Variants in NSG2 observed in about 807,000 individuals in gnomAD.
NSG2 encodes the protein neuronal vesicle trafficking associated 2.
NSG2 carries 4 observed loss-of-function variants against 16.9 expected under a neutral mutation model. The ratio of observed to expected loss-of-function variants is 0.24; its 90% CI spans 0.12 to 0.54. The LOEUF (loss-of-function observed/expected upper bound fraction) is 0.54. NSG2 is among the 20% of genes least tolerant of loss of function. The probability of loss-of-function intolerance (pLI) is 0.95; values close to 1 mark genes in which losing one functional copy is unlikely to be tolerated. For synonymous variants in NSG2, 98 were observed against 88.7 expected (o/e 1.11, Z -0.59); for missense variants, 179 against 221.1 (o/e 0.81, Z 1.21).
chr5:174,079,067 T>C (rs1581230117), intron 3 of NSG2, among the ~76,000 whole-genome samples: 2 of 152,062 alleles, frequency 1.3e-5, no homozygotes, highest in East Asian at 3.9e-4. Flanking sequence ...TTTTAATTAA[T>C]AAATTTTGCC....
intron 3 of NSG2, among the ~76,000 whole-genome samples, chr5:174,088,318 C>T (rs1038828580): frequency 1.3e-5 from 2 of 152,114 alleles, no homozygotes; most frequent in African/African-American, 4.8e-5. Flanking sequence ...GCGGAGAGTC[C>T]GTCTGTCCCC....
chr5:174,061,773 T>A (rs897050244), intron 2 of NSG2, among the ~76,000 whole-genome samples: 2 of 152,044 alleles, frequency 1.3e-5, no homozygotes, highest in African/African-American at 4.8e-5. Flanking sequence ...CCAGCTAATT[T>A]TTTTAATTTT....
At chr5:174,048,291 A>G (rs1201399203) in intron 2 of NSG2, among the ~76,000 whole-genome samples, 1 of 152,232 alleles carries the variant, frequency 6.6e-6, no homozygotes, top group African/African-American at 2.4e-5. Flanking sequence ...TTTCTAGACC[A>G]TGACCCAGAA....
At chr5:174,046,670 TGTC>T in intron 1 of NSG2, 61 bp from the exon 2 acceptor site, 1 of 1,508,906 alleles carries the variant, frequency 6.6e-7, no homozygotes, top group Non-Finnish European at 9.1e-7. Context: ...CTATTTTCTC[TGTC>T]GTCAGCCCTC....
intron 2 of NSG2, among the ~76,000 whole-genome samples, chr5:174,063,479 G>T (rs1200517854): frequency 6.6e-6 from 1 of 152,046 alleles, no homozygotes; most frequent in East Asian, 1.9e-4. Context: ...GGAATTAAGT[G>T]TGTGTGCAAA....
At chr5:174,082,854 T>C (rs1256156547) in intron 3 of NSG2, among the ~76,000 whole-genome samples, 1 of 152,126 alleles carries the variant, frequency 6.6e-6, no homozygotes, top group East Asian at 1.9e-4. Context: ...CAAAATCCAC[T>C]CCTTCCAGTC....
intron 4 of NSG2, among the ~76,000 whole-genome samples, chr5:174,104,554 G>C (rs946508044): frequency 1.3e-5 from 2 of 152,216 alleles, no homozygotes; most frequent in Non-Finnish European, 2.9e-5. Context: ...TGCTCTCCAG[G>C]GTCAGGAGGT....
chr5:174,072,236 C>T lies in NSG2; in HGVS notation c.213+7921C>T, dbSNP rs1367801683. Among the ~76,000 whole-genome samples, 1 of 152,220 alleles carries T rather than the reference C, an allele frequency of 6.6e-6. No homozygotes were observed. Among genetic ancestry groups the T allele is most frequent in the Non-Finnish European group, 1.5e-5 (1 of 68,022 alleles). On this transcript the variant is annotated intron_variant, in intron 3 of 4. Transcript: ENST00000303177. This position sits in a 1 kb window ranked among gnomAD's most constrained non-coding sequence, Gnocchi z 4.0. ...TCAGCAGCCCCAGTCCTTTCTCCTC[C>T]CCTTCTAGAGCACATGCCCCACAGT... is the stretch of plus-strand genomic sequence containing the variant.
chr5:174,107,242 G>A lies in NSG2; in HGVS notation c.325-72G>A. 1 of 1,368,834 alleles carries A rather than the reference G, an allele frequency of 7.3e-7. No individual in the cohort carries two copies. The highest frequency in any genetic ancestry group is 1.5e-5 in the African/African-American group (1 of 68,906). 84.8% of individuals were successfully genotyped at this position (1,368,834 alleles called of 1,614,324 possible). A position where few individuals can be genotyped will look rare whatever the true frequency, so the allele number is the denominator to read the frequency against. On this transcript the variant is annotated intron_variant, in intron 4 of 4. Transcript: ENST00000303177. This position sits in a 1 kb window ranked among gnomAD's most constrained non-coding sequence, Gnocchi z 4.5. Reference sequence around the variant, plus strand: ...CCCGATGCAGCTGCACTCCAGTCAGGGTGGCTGTGTTGCTGGGCAGGTTGG... The same window carrying A: ...CCCGATGCAGCTGCACTCCAGTCAGAGTGGCTGTGTTGCTGGGCAGGTTGG...
intron 2 of NSG2, among the ~76,000 whole-genome samples, chr5:174,062,224 C>T (rs1249997242): frequency 6.6e-6 from 1 of 152,150 alleles, no homozygotes; most frequent in Admixed American, 6.5e-5. Context: ...GCATCATCAA[C>T]TCACCCAAGG....
intron 3 of NSG2, among the ~76,000 whole-genome samples, chr5:174,094,059 A>G (rs1307449790): frequency 3.3e-5 from 5 of 152,248 alleles, no homozygotes; most frequent in Non-Finnish European, 7.3e-5. Flanking sequence ...AAGCAAATGT[A>G]GCTGCAGGAC....
chr5:174,084,980 C>A (rs1342675609), intron 3 of NSG2, among the ~76,000 whole-genome samples: 1 of 152,006 alleles, frequency 6.6e-6, no homozygotes, highest in Non-Finnish European at 1.5e-5. Context: ...TTTTTGGAGC[C>A]AGGAAGAGTG....
At chr5:174,094,948 G>A (rs750474554) in intron 3 of NSG2, among the ~76,000 whole-genome samples, 3 of 152,184 alleles carry the variant, frequency 2.0e-5, no homozygotes, top group Admixed American at 6.5e-5. Flanking sequence ...CATGACACAC[G>A]CAATGAACAA....
intron 3 of NSG2, among the ~76,000 whole-genome samples, chr5:174,074,896 T>C (rs572658319): frequency 2.0e-5 from 3 of 152,070 alleles, no homozygotes; most frequent in Non-Finnish European, 4.4e-5. Flanking sequence ...AGTCCTAGGT[T>C]CCTAGCATTA....
At chr5:174,099,968 T>C (rs1760873580) in intron 3 of NSG2, among the ~76,000 whole-genome samples, 1 of 152,204 alleles carries the variant, frequency 6.6e-6, no homozygotes, top group Non-Finnish European at 1.5e-5. Flanking sequence ...AGCCTGTGCC[T>C]GATTCACCAC....
intron 2 of NSG2, among the ~76,000 whole-genome samples, chr5:174,047,723 T>A (rs553996700): frequency 3.3e-5 from 5 of 152,208 alleles, no homozygotes; most frequent in Middle Eastern, 3.4e-3. Context: ...CCATGAAGAA[T>A]GGAGGTGGGC....
At chr5:174,054,610 C>T (rs553848679) in intron 2 of NSG2, among the ~76,000 whole-genome samples, 2 of 152,292 alleles carry the variant, frequency 1.3e-5, no homozygotes, top group African/African-American at 2.4e-5. Flanking sequence ...AACTTCTGGC[C>T]TCAACTGATC....
intron 3 of NSG2, among the ~76,000 whole-genome samples, chr5:174,078,827 T>C (rs1760392953): frequency 1.3e-5 from 2 of 152,198 alleles, no homozygotes; most frequent in Admixed American, 1.3e-4. Flanking sequence ...CCAAATCTCC[T>C]GGTGCCTTCA....
chr5:174,105,356 C>T (rs888338339), intron 4 of NSG2, among the ~76,000 whole-genome samples: 18 of 152,218 alleles, frequency 1.2e-4, no homozygotes, highest in African/African-American at 4.1e-4. Flanking sequence ...CTGGTTGCCT[C>T]TCTGGGCCAC....
Sources: gnomAD v4.1 joint callset for allele counts (sites outside exome capture counted in the v4.1 genomes callset) on GRCh38, gnomAD v4.1.1 for gene constraint, Gnocchi (gnomAD v3.1) non-coding constraint, MANE v1.5 for transcripts, NCBI Gene and HGNC (gene_info 2026-07-23, HGNC 2026-07-21) for gene names.